Variants in CRADD observed in about 807,000 individuals in gnomAD.
CRADD encodes the protein death domain-containing protein CRADD.
Under a neutral mutation model 15.5 loss-of-function variants are expected in CRADD, and 9 were observed. That is an observed-to-expected ratio of 0.58 (90% confidence interval 0.35 to 1.01). The LOEUF is 1.01. CRADD is among the 50% of genes least tolerant of loss of function. The pLI, the probability that CRADD is intolerant of heterozygous loss-of-function variation, is 0.02. For synonymous variants in CRADD, 118 were observed against 107.6 expected (o/e 1.10, Z -0.60); for missense variants, 227 against 250.3 (o/e 0.91, Z 0.63).
At chr12:93,859,301 A>G (rs1277259418) in intron 2 of CRADD, 1 of 454,908 alleles carries the variant, frequency 2.2e-6, no homozygotes, top group African/African-American at 2.0e-5. Flanking sequence ...TTTCTGGTTA[A>G]CTTGTCTTTT....
At position 93,764,419 on chromosome 12, in the gene CRADD, T is replaced by A. The variant is rs182028940; in HGVS notation, c.298+85347T>A. Among the ~76,000 whole-genome samples, 31 of 152,224 alleles carry A rather than the reference T, an allele frequency of 2.0e-4. No homozygotes were observed. In the East Asian group the frequency reaches 5.8e-3, roughly 29 times the overall value. Reference sequence around the variant, plus strand: ...AGAGAAGGAGGACTTTAGGGTAACTTCAACATTTCTTGTTTGTGCAGCTGG... The same window carrying A: ...AGAGAAGGAGGACTTTAGGGTAACTACAACATTTCTTGTTTGTGCAGCTGG... On this transcript the variant is annotated intron_variant, in intron 2 of 2. Coordinates refer to ENST00000332896, the MANE Select transcript of CRADD (RefSeq NM_003805.5).
chr12:93,762,345 T>A (rs1956976646), intron 2 of CRADD, among the ~76,000 whole-genome samples: 1 of 152,020 alleles, frequency 6.6e-6, no homozygotes, highest in East Asian at 1.9e-4. Flanking sequence ...CTTTAAGGGG[T>A]TTGTAGTCCA....
chr12:93,745,516 A>G (rs904363892), intron 2 of CRADD, among the ~76,000 whole-genome samples: 2 of 152,212 alleles, frequency 1.3e-5, no homozygotes, highest in Non-Finnish European at 2.9e-5. Context: ...AAGCTGTGCT[A>G]TGGGGAAGTG....
chr12:93,878,717 A>G (rs546527667), intron 2 of CRADD, among the ~76,000 whole-genome samples: 34 of 152,226 alleles, frequency 2.2e-4, no homozygotes, highest in African/African-American at 8.2e-4. Flanking sequence ...TGCCTCCTCC[A>G]TGGGTGGGCG....
At chr12:93,753,217 T>C (rs984813623) in intron 2 of CRADD, among the ~76,000 whole-genome samples, 8 of 151,908 alleles carry the variant, frequency 5.3e-5, no homozygotes, top group African/African-American at 1.9e-4. Context: ...GTGAGACTTA[T>C]TCACACTATC....
chr12:93,696,626 TAGAC>T (rs144170280), intron 2 of CRADD, among the ~76,000 whole-genome samples: 5,838 of 152,064 alleles, frequency 0.038, 285 homozygotes, highest in African/African-American at 0.11. Flanking sequence ...AAAGGTTAGT[TAGAC>T]AGGAGAAATA....
At chr12:93,839,180 T>G (rs577989838) in intron 2 of CRADD, among the ~76,000 whole-genome samples, 1 of 152,278 alleles carries the variant, frequency 6.6e-6, no homozygotes, top group African/African-American at 2.4e-5. Flanking sequence ...CAGTATTCCC[T>G]ATGTGCTGTT....
At chr12:93,790,672 C>T (rs1306765155) in intron 2 of CRADD, 1 of 151,862 alleles carries the variant, frequency 6.6e-6, no homozygotes, top group Admixed American at 6.6e-5. Flanking sequence ...TGGTTTAATC[C>T]ACTGGCTTTT....
intron 2 of CRADD, among the ~76,000 whole-genome samples, chr12:93,893,024 C>T (rs922942995): frequency 6.6e-6 from 1 of 152,184 alleles, no homozygotes; most frequent in Non-Finnish European, 1.5e-5. Context: ...GACAAGGTCC[C>T]CAAGACGGGA....
intron 2 of CRADD, among the ~76,000 whole-genome samples, chr12:93,890,458 T>A (rs1007414459): frequency 6.6e-6 from 1 of 152,196 alleles, no homozygotes; most frequent in African/African-American, 2.4e-5. Flanking sequence ...CAAGTAATTT[T>A]AAAAAATGAA....
chr12:93,785,621 A>C (rs369924991), intron 2 of CRADD, among the ~76,000 whole-genome samples: 1 of 152,248 alleles, frequency 6.6e-6, no homozygotes, highest in Non-Finnish European at 1.5e-5. Flanking sequence ...CTTTTGGCAA[A>C]TGAAAGAAAA....
rs557822471 is a variant in CRADD at position 93,787,486 on chromosome 12, G to A, written c.299-62484G>A. Among the ~76,000 whole-genome samples, 40 of 152,092 alleles carry A rather than the reference G, an allele frequency of 2.6e-4. No homozygotes were observed. The Middle Eastern group carries it at 0.01, about 39-fold the overall frequency. On this transcript the variant is annotated intron_variant, in intron 2 of 2. Transcript: ENST00000332896. ...CTCACATGTGCATGTGTTGTAGTAC[G>A]TCTGCTGAACCTTGTACTTAACCTC...
intron 2 of CRADD, among the ~76,000 whole-genome samples, chr12:93,733,909 A>G (rs559391836): frequency 1.3e-5 from 2 of 151,848 alleles, no homozygotes; most frequent in South Asian, 2.1e-4. Context: ...CTAAATTTTT[A>G]TATTTTTTGA....
At chr12:93,760,053 C>CCAGT (rs1956933660) in intron 2 of CRADD, among the ~76,000 whole-genome samples, 1 of 152,072 alleles carries the variant, frequency 6.6e-6, no homozygotes. Context: ...ATGGAGACTA[C>CCAGT]CAGTCACTTG....
chr12:93,738,206 A>G, intron 2 of CRADD: 1 of 612,838 alleles, frequency 1.6e-6, no homozygotes, highest in Non-Finnish European at 2.9e-6. Flanking sequence ...GCAGGGTTAG[A>G]GGAAAAAGGA....
intron 2 of CRADD, among the ~76,000 whole-genome samples, chr12:93,859,091 G>T (rs1958298386): frequency 6.6e-6 from 1 of 152,226 alleles, no homozygotes; most frequent in African/African-American, 2.4e-5. Flanking sequence ...AAGTGCAAAT[G>T]AAACCTGTCT....
intron 2 of CRADD, among the ~76,000 whole-genome samples, chr12:93,698,914 C>A (rs10745659): frequency 6.6e-6 from 1 of 151,966 alleles, no homozygotes; most frequent in African/African-American, 2.4e-5. Context: ...CACAATACAC[C>A]AGCAGGGCAG....
chr12:93,772,511 C>T (rs1196886813), intron 2 of CRADD, among the ~76,000 whole-genome samples: 1 of 152,146 alleles, frequency 6.6e-6, no homozygotes, highest in African/African-American at 2.4e-5. Flanking sequence ...TATTGGAAGC[C>T]GGTCTTCTTA....
intron 2 of CRADD, among the ~76,000 whole-genome samples, chr12:93,776,348 A>C (rs1486633915): frequency 6.6e-6 from 1 of 152,186 alleles, no homozygotes; most frequent in East Asian, 1.9e-4. Flanking sequence ...GGGGACTTGC[A>C]ATGGAATTTC....
Sources: gnomAD v4.1 joint callset for allele counts (sites outside exome capture counted in the v4.1 genomes callset) on GRCh38, gnomAD v4.1.1 for gene constraint, MANE v1.5 for transcripts, NCBI Gene and HGNC (gene_info 2026-07-23, HGNC 2026-07-21) for gene names.